Variants in PARD3 observed in about 807,000 individuals in gnomAD.
PARD3 encodes the protein partitioning defective 3 homolog.
A neutral mutation model predicts 155.4 loss-of-function variants in PARD3; 75 were observed. That is an observed-to-expected ratio of 0.48 (90% CI 0.40 to 0.58). PARD3 has a LOEUF of 0.58. Among genes scored for constraint, PARD3 ranks in the 20% least tolerant of loss-of-function variants. The pLI is 0.00. For synonymous variants in PARD3, 576 were observed against 610.5 expected, an observed-to-expected ratio of 0.94 and a Z score of 0.83; for missense variants, 1,642 against 1,721.7, an observed-to-expected ratio of 0.95 and a Z score of 0.82.
intron 22 of PARD3, among the ~76,000 whole-genome samples, chr10:34,138,572 G>A (rs997412753): frequency 6.6e-6 from 1 of 152,092 alleles, no homozygotes; most frequent in South Asian, 2.1e-4. Flanking sequence ...TGACCTGCTG[G>A]GATCTGGGTC....
chr10:34,269,988 A>T, intron 21 of PARD3, 89 bp from the exon 22 acceptor site: 1 of 1,275,410 alleles, frequency 7.8e-7, no homozygotes, highest in Non-Finnish European at 1.1e-6. Flanking sequence ...ATGTTGTAAA[A>T]TATATTTGAT....
chr10:34,182,465 C>T (rs1950309288), intron 22 of PARD3, among the ~76,000 whole-genome samples: 1 of 152,122 alleles, frequency 6.6e-6, no homozygotes. Flanking sequence ...CCATTGATTC[C>T]TACCACTTAG....
intron 2 of PARD3, among the ~76,000 whole-genome samples, chr10:34,671,231 C>A (rs978575893): frequency 1.3e-5 from 2 of 152,164 alleles, no homozygotes; most frequent in Non-Finnish European, 1.5e-5. Flanking sequence ...AGTGGAGAAG[C>A]ATTATAAAGA....
chr10:34,158,514 G>A (rs899784316), intron 22 of PARD3, among the ~76,000 whole-genome samples: 6 of 152,208 alleles, frequency 3.9e-5, no homozygotes, highest in South Asian at 4.1e-4. Context: ...CTAAAGAAGC[G>A]ACTGCTGCCC....
At chr10:34,407,653 AAAGTTT>A (rs1844634095) in intron 5 of PARD3, among the ~76,000 whole-genome samples, 1 of 152,142 alleles carries the variant, frequency 6.6e-6, no homozygotes, top group South Asian at 2.1e-4. Context: ...AAACATAACT[AAAGTTT>A]AACTTCTCAT....
At chr10:34,635,475 T>C (rs763210951) in intron 2 of PARD3, among the ~76,000 whole-genome samples, 5 of 152,288 alleles carry the variant, frequency 3.3e-5, no homozygotes, top group Non-Finnish European at 7.4e-5. Flanking sequence ...GGTACGACAA[T>C]GACGGTAGTG....
At chr10:34,653,528 T>C (rs141404283) in intron 2 of PARD3, among the ~76,000 whole-genome samples, 2 of 152,290 alleles carry the variant, frequency 1.3e-5, no homozygotes, top group Non-Finnish European at 2.9e-5. Flanking sequence ...AAAACCAGCA[T>C]GTATAGCACG....
At chr10:34,575,477 A>G (rs1297671360) in intron 2 of PARD3, among the ~76,000 whole-genome samples, 2 of 152,240 alleles carry the variant, frequency 1.3e-5, no homozygotes, top group Non-Finnish European at 2.9e-5. Flanking sequence ...TTCTGCACAT[A>G]AAGAGCACAC....
At chr10:34,367,945 T>C (rs992847104) in intron 12 of PARD3, among the ~76,000 whole-genome samples, 2 of 151,734 alleles carry the variant, frequency 1.3e-5, no homozygotes, top group Admixed American at 1.3e-4. Context: ...TAGAATGCAT[T>C]TTGAATTCTT....
At chr10:34,768,250 C>T (rs1416551269) in intron 1 of PARD3, among the ~76,000 whole-genome samples, 1 of 151,982 alleles carries the variant, frequency 6.6e-6, no homozygotes, top group Non-Finnish European at 1.5e-5. Context: ...ATGACAAGTG[C>T]CCAAGGTGGT....
chr10:34,718,141 C>A lies in PARD3; in HGVS notation c.121-21722G>T, dbSNP rs2094548436. On this transcript the variant is annotated intron_variant, in intron 1 of 24. Coordinates refer to ENST00000374788, the MANE Select transcript of PARD3 (RefSeq NM_001184785.2). The stretch of plus-strand genomic sequence containing the variant: ...TGCACTCCAGCCTGGGTAACAGAGA[C>A]TCCATCTCAAAAAAAAAAAAAAAAA... Among the ~76,000 whole-genome samples the A allele has an allele frequency of 3.1e-5, 4 of 128,414 alleles. No individual in the cohort carries two copies. The South Asian group carries it at 9.8e-4, about 31-fold the overall frequency. The allele number at this position is 128,414 out of a possible 152,430, so 84.2% of individuals were successfully genotyped here. A position where few individuals can be genotyped will look rare whatever the true frequency, so the allele number is the denominator to read the frequency against.
intron 21 of PARD3, among the ~76,000 whole-genome samples, chr10:34,282,459 G>T (rs1956204427): frequency 6.6e-6 from 1 of 152,156 alleles, no homozygotes; most frequent in African/African-American, 2.4e-5. Flanking sequence ...AAACCATTAT[G>T]TAAAAATCAT....
At chr10:34,515,190 C>T (rs1412056296) in intron 3 of PARD3, among the ~76,000 whole-genome samples, 1 of 152,186 alleles carries the variant, frequency 6.6e-6, no homozygotes, top group African/African-American at 2.4e-5. Context: ...ACCACCTGCA[C>T]ATCATTTTGT....
chr10:34,283,197 G>T (rs1462601687), intron 21 of PARD3, among the ~76,000 whole-genome samples: 1 of 152,074 alleles, frequency 6.6e-6, no homozygotes, highest in Non-Finnish European at 1.5e-5. Context: ...TTAGAATTAT[G>T]GTAGGAATAC....
intron 5 of PARD3, among the ~76,000 whole-genome samples, chr10:34,447,403 C>T (rs906156337): frequency 6.9e-6 from 1 of 144,322 alleles, no homozygotes; most frequent in South Asian, 2.2e-4. Context: ...ACTGCTTGAA[C>T]CCAGGAGGTA....
intron 1 of PARD3, among the ~76,000 whole-genome samples, chr10:34,809,397 A>G (rs560444210): frequency 6.6e-6 from 1 of 152,132 alleles, no homozygotes; most frequent in African/African-American, 2.4e-5. Context: ...GCACAGCCCA[A>G]GCATCTGAGT....
chr10:34,761,466 C>T (rs1837431526), intron 1 of PARD3, among the ~76,000 whole-genome samples: 1 of 152,104 alleles, frequency 6.6e-6, no homozygotes, highest in Non-Finnish European at 1.5e-5. Context: ...AAATTATACA[C>T]ATATTCTGGT....
At chr10:34,119,764 A>G (rs1016475116) in intron 23 of PARD3, 24 bp from the exon 24 acceptor site, 3 of 1,604,390 alleles carry the variant, frequency 1.9e-6, no homozygotes, top group African/African-American at 2.7e-5. Context: ...ATACAAGCAC[A>G]TCGTTAACCA....
At chr10:34,292,316 G>A (rs951611824) in intron 20 of PARD3, among the ~76,000 whole-genome samples, 13 of 152,154 alleles carry the variant, frequency 8.5e-5, no homozygotes, top group African/African-American at 2.9e-4. Context: ...TGTCCTTCCT[G>A]TACAGGATCT....
Sources: allele counts gnomAD v4.1 joint callset (sites outside exome capture counted in the v4.1 genomes callset), GRCh38; gene constraint gnomAD v4.1.1; transcripts MANE v1.5; gene names NCBI Gene and HGNC (gene_info 2026-07-23, HGNC 2026-07-21).